The following HEG1 variants were observed in gnomAD, a reference collection of about 807,000 sequenced individuals.
HEG1 encodes the protein heart development protein with EGF like domains 1, also known as protein HEG homolog 1.
Under a neutral mutation model 125.6 loss-of-function variants are expected in HEG1, and 56 were observed. That is an observed-to-expected ratio of 0.45 (90% CI 0.36 to 0.56). The LOEUF (loss-of-function observed/expected upper bound fraction) is 0.56. Among genes scored for constraint, HEG1 ranks in the 20% least tolerant of loss-of-function variants. The probability of loss-of-function intolerance (pLI) is 0.00; values close to 1 mark genes in which losing one functional copy is unlikely to be tolerated. For missense variants in HEG1, 1,523 were observed against 1,670.0 expected (o/e 0.91, Z 1.53); for synonymous variants, 644 against 668.5 (o/e 0.96, Z 0.57).
chr3:125,042,360 G>A (rs960839224), intron 1 of HEG1, among the ~76,000 whole-genome samples: 4 of 152,114 alleles, frequency 2.6e-5, no homozygotes, highest in Admixed American at 2.0e-4. Context: ...CCTGGGAGGC[G>A]GAGGTTTCAG....
rs1056415518 is a variant in HEG1, at chr3:125,055,737, G to T, written c.154C>A (p.Leu52Met). ...LSLAPLAGAG[L>M]ELQLERRPER... ...GGGCGGCGCTCCAGCTGCAGCTCCAGCCCCGCTCCCGCGAGGGGCGCCAGG... is the reference window on the plus strand; with the variant it reads ...GGGCGGCGCTCCAGCTGCAGCTCCATCCCCGCTCCCGCGAGGGGCGCCAGG... The change falls in exon 1 of 17, where the codon CTG becomes ATG. Residue 52 changes from leucine (L) to methionine (M), a missense_variant. By Grantham distance (15) the Leu-to-Met change is conservative. Transcript: ENST00000311127. 8.7e-5 allele frequency: 90 copies of T among 1,034,122 alleles called. No individual in the cohort carries two copies. The highest frequency in any genetic ancestry group is 9.8e-5 in the Non-Finnish European group (85 of 863,704). 64.1% of individuals were successfully genotyped at this position (1,034,122 alleles called of 1,614,324 possible).
chr3:125,038,987 C>T lies in HEG1; in HGVS notation c.317-9499G>A, dbSNP rs76388085. Among the ~76,000 whole-genome samples, 524 of 152,270 alleles carry T rather than the reference C, an allele frequency of 3.4e-3. 3 individuals are homozygous for T. Among genetic ancestry groups the T allele is most frequent in the African/African-American group, 0.012 (486 of 41,552 alleles). On this transcript the variant is annotated intron_variant, in intron 1 of 16. Transcript: ENST00000311127. ...GGCCAGCTTCGCAGATGGTCAGAGA[C>T]AATCATTCAAACCCCATTCACACCA...
At position 124,973,668 on chromosome 3, in the gene HEG1, G is replaced by T. The variant is rs1042854913; in HGVS notation, c.3996+63C>A. ...GTAATGCTTTTACTACAACAAAACA[G>T]AATTCCTTTACTTCTCAGAGGAACC... On this transcript the variant is annotated intron_variant, in intron 16 of 16. Coordinates refer to ENST00000311127, the MANE Select transcript of HEG1 (RefSeq NM_020733.2). 18 of 1,322,280 alleles carry T rather than the reference G, an allele frequency of 1.4e-5. No homozygotes were observed. The African/African-American group carries it at 2.5e-4, about 18-fold the overall frequency. The allele number at this position is 1,322,280 out of a possible 1,614,324, so 81.9% of individuals were successfully genotyped here. A position where few individuals can be genotyped will look rare whatever the true frequency, so the allele number is the denominator to read the frequency against.
chr3:125,054,630 T>C (rs1410189242), intron 1 of HEG1, among the ~76,000 whole-genome samples: 1 of 152,226 alleles, frequency 6.6e-6, no homozygotes, highest in Non-Finnish European at 1.5e-5. Context: ...ACAGAGCATA[T>C]GCCCTGTGTC....
chr3:124,976,179 G>A (rs1560013867), intron 15 of HEG1, among the ~76,000 whole-genome samples: 1 of 151,988 alleles, frequency 6.6e-6, no homozygotes, highest in African/African-American at 2.4e-5. Flanking sequence ...TTTTCTAGGT[G>A]TTTTTTTGTT....
In HEG1 at chr3:125,045,485, G is replaced by A. The variant is rs189632462; in HGVS notation, c.316+10090C>T. On this transcript the variant is annotated intron_variant, in intron 1 of 16. Transcript: ENST00000311127. ...GTGCTCCATAAATGTTCACTGAACC[G>A]AGGGGGAGGCAGAAGGTCAAGGGTA... Among the ~76,000 whole-genome samples, 592 of 152,330 alleles carry A rather than the reference G, an allele frequency of 3.9e-3. 2 individuals are homozygous for A. The highest frequency in any genetic ancestry group is 6.2e-3 in the Non-Finnish European group (423 of 68,034).
rs929745164 is a variant in HEG1, at chr3:125,055,977, G to A, written c.-87C>T. 1 of 687,062 alleles carries A rather than the reference G, an allele frequency of 1.5e-6. No homozygotes were observed. The highest frequency in any genetic ancestry group is 2.0e-5 in the African/African-American group (1 of 50,022). The allele number at this position is 687,062 out of a possible 1,614,324, so 42.6% of individuals were successfully genotyped here. On this transcript the variant is annotated 5_prime_UTR_variant, in exon 1 of 17. Transcript: ENST00000311127. ...GCAGCGGGCGGCGGGGGCCGCGCGG[G>A]GCCGGGGAAGTGAGCGGAGTGAGGC...
Position 125,027,394 on chromosome 3 carries a change from G to T in HEG1, c.724C>A (p.Leu242Met), listed in dbSNP as rs1189119075. 7.4e-6 allele frequency: 12 copies of T among 1,614,028 alleles called. No individual in the cohort carries two copies. The highest frequency in any genetic ancestry group is 9.3e-6 in the Non-Finnish European group (11 of 1,179,898). ...SEMGTERAMG[L>M]SEEWTVHSQE... ...CTGTGCACAGTCCATTCTTCTGACA[G>T]CCCCATCGCCCTCTCTGTTCCCATC... Residue 242 changes from leucine to methionine, a missense_variant, in exon 3 of 17, where the codon CTG (leucine) becomes ATG (methionine). Transcript: ENST00000311127.
intron 14 of HEG1, among the ~76,000 whole-genome samples, chr3:124,987,171 C>G (rs959832211): frequency 1.3e-5 from 2 of 152,174 alleles, no homozygotes; most frequent in African/African-American, 2.4e-5. Context: ...GGCCACTGCA[C>G]TCCAGCCTGG....
intron 3 of HEG1, among the ~76,000 whole-genome samples, chr3:125,022,141 T>TTCC (rs1441450395): frequency 6.6e-6 from 1 of 152,164 alleles, no homozygotes; most frequent in Non-Finnish European, 1.5e-5. Flanking sequence ...CAAACGGGAA[T>TTCC]AAACTGCAGG....
chr3:125,014,993 C>G (rs756252306), intron 5 of HEG1: 33 of 1,254,316 alleles, frequency 2.6e-5, no homozygotes, highest in Non-Finnish European at 2.3e-5. Context: ...CTTGGCCTGG[C>G]TCTCGGCTGT....
At chr3:125,045,070 T>C (rs1212469562) in intron 1 of HEG1, among the ~76,000 whole-genome samples, 1 of 152,168 alleles carries the variant, frequency 6.6e-6, no homozygotes, top group South Asian at 2.1e-4. Flanking sequence ...GGGAGATTAG[T>C]GGGACCATTA....
At chr3:124,984,477 G>A (rs1936707677) in intron 14 of HEG1, among the ~76,000 whole-genome samples, 1 of 152,138 alleles carries the variant, frequency 6.6e-6, no homozygotes. Context: ...AGAAAAATGG[G>A]GCCAGGCACG....
chr3:125,009,706 C>G lies in HEG1; in HGVS notation c.3192G>C (p.Leu1064Phe), dbSNP rs201737617. 11 of 1,611,324 alleles carry G rather than the reference C, an allele frequency of 6.8e-6. No individual in the cohort carries two copies. Among genetic ancestry groups the G allele is most frequent in the Non-Finnish European group, 9.3e-6 (11 of 1,178,268 alleles). Residue 1064 changes from leucine to phenylalanine, a missense_variant and splice_region_variant, in exon 8 of 17, where the codon TTG (leucine) becomes TTC (phenylalanine). Physicochemically the swap from Leu to Phe is conservative, Grantham distance 22. Coordinates refer to ENST00000311127, the MANE Select transcript of HEG1 (RefSeq NM_020733.2). ...TCCGAAATAGACTAAGTCTCTTACC[C>G]AAATTGCATATCCCTTTTTCCAACT... ...GYQLEKGICN[L>F]VRTFVTEFKL...
At chr3:125,017,103 A>G (rs1937261297) in intron 5 of HEG1, among the ~76,000 whole-genome samples, 1 of 151,738 alleles carries the variant, frequency 6.6e-6, no homozygotes, top group South Asian at 2.1e-4. Context: ...CACCCAGGCT[A>G]GAGTGCAGTG....
At chr3:125,002,043 C>A (rs1236517167) in intron 10 of HEG1, 31 bp from the exon 11 acceptor site, 2 of 1,612,348 alleles carry the variant, frequency 1.2e-6, no homozygotes, top group East Asian at 2.2e-5. Context: ...TTTTTAACAG[C>A]CCTGAAATGA....
chr3:124,989,932 C>T (rs1936801618), intron 14 of HEG1, among the ~76,000 whole-genome samples: 1 of 152,194 alleles, frequency 6.6e-6, no homozygotes, highest in South Asian at 2.1e-4. Context: ...ATATACTTTG[C>T]CAATCCAAAT....
chr3:125,025,113 T>G (rs1450818542), intron 3 of HEG1, among the ~76,000 whole-genome samples: 1 of 152,242 alleles, frequency 6.6e-6, no homozygotes, highest in Non-Finnish European at 1.5e-5. Context: ...CTAGAGCTCC[T>G]GTATCGTGTA....
chr3:125,009,409 G>A (rs1207802549), intron 8 of HEG1: 1 of 185,768 alleles, frequency 5.4e-6, no homozygotes, highest in African/African-American at 2.3e-5. Context: ...CCGTCATTAA[G>A]ATGTTTGTAC....
Sources: gnomAD v4.1 joint callset for allele counts (sites outside exome capture counted in the v4.1 genomes callset) on GRCh38, gnomAD v4.1.1 for gene constraint, MANE v1.5 for transcripts, NCBI Gene and HGNC (gene_info 2026-07-23, HGNC 2026-07-21) for gene names.